BABAM2: variants seen among roughly 807,000 people sequenced by gnomAD.
BABAM2 encodes BRISC and BRCA1-A complex member 2.
In BABAM2, 31 loss-of-function variants were observed where a neutral mutation model predicts 54.7. That is an observed-to-expected ratio of 0.57 (90% confidence interval 0.43 to 0.77). The LOEUF is 0.77. BABAM2 is among the 30% of genes least tolerant of loss of function. The pLI is 0.00. For missense variants in BABAM2, 364 were observed against 455.8 expected (o/e 0.80, Z 1.83); for synonymous variants, 167 against 162.9 (o/e 1.03, Z -0.19).
At chr2:28,009,537 C>T (rs1279735767) in intron 4 of BABAM2, among the ~76,000 whole-genome samples, 2 of 152,060 alleles carry the variant, frequency 1.3e-5, no homozygotes, top group South Asian at 2.1e-4. Flanking sequence ...TCGTGAAGCA[C>T]TTCATTGGAG....
At chr2:28,084,540 C>T (rs912993387) in intron 6 of BABAM2, among the ~76,000 whole-genome samples, 1 of 152,008 alleles carries the variant, frequency 6.6e-6, no homozygotes, top group African/African-American at 2.4e-5. Context: ...TGAGGGAGGC[C>T]AGGGGCATTG....
intron 6 of BABAM2, among the ~76,000 whole-genome samples, chr2:28,107,858 A>G (rs1295672994): frequency 2.0e-5 from 3 of 152,174 alleles, no homozygotes; most frequent in Non-Finnish European, 4.4e-5. Flanking sequence ...TTGTTGAATG[A>G]ATTCTGTATT....
rs1209250995 is a variant in BABAM2, at chr2:28,094,925, A to G, written c.571-34346A>G. Among the ~76,000 whole-genome samples, 6 of 133,506 alleles carry G rather than the reference A, an allele frequency of 4.5e-5. No homozygotes were observed. The Admixed American group carries it at 4.7e-4, about 10-fold the overall frequency. The allele number at this position is 133,506 out of a possible 152,430, so 87.6% of individuals were successfully genotyped here. ...CCCTCTTCTTTTTTTTTTTTTTTTC[A>G]CAATGCCTATTAGTCTATTATGTGT... On this transcript the variant is annotated intron_variant, in intron 6 of 11. Coordinates refer to ENST00000379624, the MANE Select transcript of BABAM2 (RefSeq NM_199191.3).
intron 7 of BABAM2, among the ~76,000 whole-genome samples, chr2:28,165,637 G>A: frequency 6.7e-6 from 1 of 149,624 alleles, no homozygotes; most frequent in Non-Finnish European, 1.5e-5. Flanking sequence ...TGGGTTCAAG[G>A]GATTCTCCTG....
chr2:28,015,649 A>G, intron 4 of BABAM2: 1 of 699,664 alleles, frequency 1.4e-6, no homozygotes, highest in Non-Finnish European at 2.0e-6. Context: ...AAAAACAAGA[A>G]AATTCATGCA....
At chr2:28,243,419 C>T (rs1420740643) in intron 9 of BABAM2, among the ~76,000 whole-genome samples, 1 of 152,094 alleles carries the variant, frequency 6.6e-6, no homozygotes, top group Non-Finnish European at 1.5e-5. Context: ...GTAATCCCAG[C>T]TACTTGGGAG....
intron 11 of BABAM2, among the ~76,000 whole-genome samples, chr2:28,316,504 T>A (rs1689574689): frequency 6.6e-6 from 1 of 151,960 alleles, no homozygotes; most frequent in Non-Finnish European, 1.5e-5. Flanking sequence ...CAGCCCCCTC[T>A]GTCTGGGCAA....
chr2:28,155,392 G>A (rs560792226), intron 7 of BABAM2, among the ~76,000 whole-genome samples: 2 of 152,250 alleles, frequency 1.3e-5, no homozygotes, highest in South Asian at 4.1e-4. Flanking sequence ...GAAAAGGATA[G>A]GGAATTTATT....
intron 7 of BABAM2, among the ~76,000 whole-genome samples, chr2:28,224,849 GACAAAAAAA>G (rs1680737885): frequency 1.7e-5 from 1 of 60,372 alleles, no homozygotes; most frequent in Non-Finnish European, 3.5e-5. Flanking sequence ...ACGGTAAATT[GACAAAAAAA>G]AAAAAAAAAA....
chr2:28,303,375 G>C (rs1414964718), intron 11 of BABAM2, among the ~76,000 whole-genome samples: 1 of 152,166 alleles, frequency 6.6e-6, no homozygotes, highest in Non-Finnish European at 1.5e-5. Context: ...ATATGAGGTA[G>C]ATGCCAAGGT....
chr2:27,928,507 T>C (rs1667872345), intron 2 of BABAM2, among the ~76,000 whole-genome samples: 1 of 152,176 alleles, frequency 6.6e-6, no homozygotes, highest in Admixed American at 6.5e-5. Context: ...AGTAAATCTT[T>C]AACGTGGGGT....
At chr2:28,036,436 T>C (rs1408158243) in intron 5 of BABAM2, among the ~76,000 whole-genome samples, 2 of 152,194 alleles carry the variant, frequency 1.3e-5, no homozygotes, top group Non-Finnish European at 1.5e-5. Context: ...GGAAATGTGT[T>C]GATTAGATCA....
chr2:28,017,831 C>A (rs1558659914), intron 4 of BABAM2, among the ~76,000 whole-genome samples: 1 of 152,146 alleles, frequency 6.6e-6, no homozygotes, highest in Non-Finnish European at 1.5e-5. Context: ...TGATCCCTGT[C>A]ATAGCATGAA....
chr2:28,193,449 G>A (rs1677157428), intron 7 of BABAM2, among the ~76,000 whole-genome samples: 1 of 152,082 alleles, frequency 6.6e-6, no homozygotes, highest in Non-Finnish European at 1.5e-5. Context: ...GGCAAGTCAT[G>A]TGTCACTGAG....
chr2:28,283,859 G>T (rs1686583831), intron 10 of BABAM2, among the ~76,000 whole-genome samples: 1 of 152,104 alleles, frequency 6.6e-6, no homozygotes, highest in Non-Finnish European at 1.5e-5. Context: ...ATTTTATAGA[G>T]ATTTTTATCA....
intron 7 of BABAM2, among the ~76,000 whole-genome samples, chr2:28,226,526 A>G (rs1273482955): frequency 6.6e-6 from 1 of 152,194 alleles, no homozygotes; most frequent in African/African-American, 2.4e-5. Context: ...ATTATATTCT[A>G]GTGAGGAGTC....
chr2:28,056,451 T>C (rs953929671), intron 6 of BABAM2, among the ~76,000 whole-genome samples: 1 of 152,236 alleles, frequency 6.6e-6, no homozygotes, highest in Non-Finnish European at 1.5e-5. Flanking sequence ...TTTCTTTTGT[T>C]GTTTTACAGT....
intron 5 of BABAM2, among the ~76,000 whole-genome samples, chr2:28,027,669 A>G (rs1675973621): frequency 1.3e-5 from 2 of 152,232 alleles, no homozygotes; most frequent in Admixed American, 1.3e-4. Context: ...ATAATATTCC[A>G]TTGAATAGAC....
intron 3 of BABAM2, among the ~76,000 whole-genome samples, chr2:27,975,271 GC>G (rs1387662553): frequency 6.6e-6 from 1 of 152,028 alleles, no homozygotes; most frequent in East Asian, 1.9e-4. Flanking sequence ...TACGTGGGAA[GC>G]AAAGAATTAA....
Sources: allele counts gnomAD v4.1 joint callset (sites outside exome capture counted in the v4.1 genomes callset), GRCh38; gene constraint gnomAD v4.1.1; transcripts MANE v1.5; gene names NCBI Gene and HGNC (gene_info 2026-07-23, HGNC 2026-07-21).